ADGRB3: variants seen among roughly 807,000 people sequenced by gnomAD.
ADGRB3 encodes brain-specific angiogenesis inhibitor 3.
Under a neutral mutation model 193.4 loss-of-function variants are expected in ADGRB3, and 37 were observed. The observed-to-expected ratio is 0.19, with a 90% CI of 0.15 to 0.25. The LOEUF (loss-of-function observed/expected upper bound fraction) is 0.25. Among genes scored for constraint, ADGRB3 ranks in the 10% least tolerant of loss-of-function variants. The pLI is 1.00. For missense variants in ADGRB3, 1,637 were observed against 1,852.9 expected, an observed-to-expected ratio of 0.88 and a Z score of 2.14; for synonymous variants, 690 against 644.2, an observed-to-expected ratio of 1.07 and a Z score of -1.08.
At chr6:68,899,562 A>G (rs1766335298) in intron 3 of ADGRB3, among the ~76,000 whole-genome samples, 1 of 150,816 alleles carries the variant, frequency 6.6e-6, no homozygotes, top group South Asian at 2.1e-4. Context: ...TGTTCTTGTG[A>G]TAGTTTACTG....
At chr6:68,733,591 T>C (rs1481545543) in intron 3 of ADGRB3, among the ~76,000 whole-genome samples, 1 of 151,658 alleles carries the variant, frequency 6.6e-6, no homozygotes, top group Non-Finnish European at 1.5e-5. Context: ...TTAGACAATA[T>C]AACCATGTAA....
intron 2 of ADGRB3, among the ~76,000 whole-genome samples, 182 bp downstream of exon 2, chr6:68,637,744 A>G (rs1265084227): frequency 6.6e-6 from 1 of 152,162 alleles, no homozygotes. Context: ...ATTACAGTTG[A>G]TAAGATAATT....
At chr6:69,194,057 T>A (rs1217274407) in intron 17 of ADGRB3, among the ~76,000 whole-genome samples, 1 of 152,074 alleles carries the variant, frequency 6.6e-6, no homozygotes, top group Non-Finnish European at 1.5e-5. Flanking sequence ...TCTCTCTAAA[T>A]CCTTAAACTA....
At chr6:68,653,964 A>G (rs60852929) in intron 3 of ADGRB3, among the ~76,000 whole-genome samples, 5,501 of 151,734 alleles carry the variant, frequency 0.036, 315 homozygotes, top group African/African-American at 0.13. Flanking sequence ...TACATAGGCT[A>G]TAATTTATAA....
At chr6:68,877,746 A>G (rs969133172) in intron 3 of ADGRB3, among the ~76,000 whole-genome samples, 4 of 152,170 alleles carry the variant, frequency 2.6e-5, no homozygotes, top group Non-Finnish European at 5.9e-5. Context: ...GGCAAGTACA[A>G]TATAAAACCA....
intron 3 of ADGRB3, among the ~76,000 whole-genome samples, chr6:68,774,290 T>A (rs1523941): frequency 2.0e-5 from 3 of 151,418 alleles, no homozygotes; most frequent in African/African-American, 7.3e-5. Context: ...GGAAAAAATT[T>A]GATTAAATAA....
At chr6:69,161,161 G>A (rs1774975174) in intron 17 of ADGRB3, among the ~76,000 whole-genome samples, 1 of 152,008 alleles carries the variant, frequency 6.6e-6, no homozygotes, top group South Asian at 2.1e-4. Flanking sequence ...AGCCTAATAT[G>A]TAATCTGCAC....
intron 17 of ADGRB3, among the ~76,000 whole-genome samples, chr6:69,227,783 A>G (rs1766049874): frequency 6.6e-6 from 1 of 152,188 alleles, no homozygotes; most frequent in Non-Finnish European, 1.5e-5. Flanking sequence ...CTGAAATCCT[A>G]CAGAGTTCAT....
chr6:68,666,647 TATAA>T (rs138198956), intron 3 of ADGRB3, among the ~76,000 whole-genome samples: 10,438 of 151,878 alleles, frequency 0.069, 795 homozygotes, highest in African/African-American at 0.19. Flanking sequence ...AATTAAGAAT[TATAA>T]ATAAAGTAGC....
chr6:68,720,994 G>A (rs1467601248), intron 3 of ADGRB3, among the ~76,000 whole-genome samples: 1 of 151,846 alleles, frequency 6.6e-6, no homozygotes. Flanking sequence ...CTAAATGGAT[G>A]TGGAGAAATA....
intron 15 of ADGRB3, among the ~76,000 whole-genome samples, chr6:69,060,116 G>T (rs1771685735): frequency 1.3e-5 from 2 of 151,844 alleles, no homozygotes; most frequent in Admixed American, 1.3e-4. Context: ...ACACTGATAT[G>T]CATGAATAAA....
intron 20 of ADGRB3, among the ~76,000 whole-genome samples, chr6:69,297,605 A>C (rs1767857797): frequency 6.6e-6 from 1 of 151,966 alleles, no homozygotes; most frequent in African/African-American, 2.4e-5. Context: ...AAATGAGAGG[A>C]GAACAAAAGA....
At chr6:69,349,578 A>G (rs1044774356) in intron 26 of ADGRB3, among the ~76,000 whole-genome samples, 2 of 152,182 alleles carry the variant, frequency 1.3e-5, no homozygotes, top group African/African-American at 4.8e-5. Context: ...TATGAAATTG[A>G]AAAGTCTTTC....
At chr6:68,934,409 AT>A (rs1023500443) in intron 4 of ADGRB3, among the ~76,000 whole-genome samples, 1 of 152,176 alleles carries the variant, frequency 6.6e-6, no homozygotes, top group African/African-American at 2.4e-5. Context: ...AGTAATTTAA[AT>A]ATAGGGCTTG....
In ADGRB3 at chr6:68,661,559, A is replaced by G. The variant is rs1381128117; in HGVS notation, c.757+22127A>G. Among the ~76,000 whole-genome samples, 38 of 138,066 alleles carry G rather than the reference A, an allele frequency of 2.8e-4. 3 individuals are homozygous for G. The highest frequency in any genetic ancestry group is 9.9e-4 in the African/African-American group (36 of 36,440). 90.6% of individuals were successfully genotyped at this position (138,066 alleles called of 152,430 possible). A position where few individuals can be genotyped will look rare whatever the true frequency, so the allele number is the denominator to read the frequency against. ...TATACATATATATATATATATATATATATATATATATAGTTATGACCTATG... is the reference window on the plus strand; with the variant it reads ...TATACATATATATATATATATATATGTATATATATATAGTTATGACCTATG... On this transcript the variant is annotated intron_variant, in intron 3 of 31. Transcript: ENST00000370598.
intron 17 of ADGRB3, among the ~76,000 whole-genome samples, chr6:69,101,433 C>CGTGTGTGTGTGTGTGTGT (rs59471051): frequency 0.014 from 2,083 of 145,360 alleles, 29 homozygotes; most frequent in South Asian, 0.03. Flanking sequence ...CAGTAAGTAT[C>CGTGTGTGTGTGTGTGTGT]GTGTGTGTGT....
intron 23 of ADGRB3, chr6:69,331,855 G>C (rs1768737736): frequency 1.0e-6 from 1 of 984,422 alleles, no homozygotes; most frequent in African/African-American, 1.7e-5. Context: ...TTTTCTCTTA[G>C]TTTAAATGAG....
At chr6:68,762,928 A>G (rs1474452080) in intron 3 of ADGRB3, among the ~76,000 whole-genome samples, 1 of 152,222 alleles carries the variant, frequency 6.6e-6, no homozygotes, top group African/African-American at 2.4e-5. Flanking sequence ...AAAGTAATTT[A>G]TTAAACTCAG....
At chr6:68,702,678 A>G (rs1210345897) in intron 3 of ADGRB3, among the ~76,000 whole-genome samples, 1 of 152,136 alleles carries the variant, frequency 6.6e-6, no homozygotes, top group Non-Finnish European at 1.5e-5. Context: ...CAAATATTAG[A>G]GCCCCCTAAT....
Sources: gnomAD v4.1 joint callset for allele counts (sites outside exome capture counted in the v4.1 genomes callset) on GRCh38, gnomAD v4.1.1 for gene constraint, MANE v1.5 for transcripts, NCBI Gene and HGNC (gene_info 2026-07-23, HGNC 2026-07-21) for gene names.